PTPN7: variants seen among roughly 807,000 people sequenced by gnomAD.
PTPN7 encodes the protein tyrosine-protein phosphatase non-receptor type 7.
PTPN7 carries 33 observed loss-of-function variants against 50.3 expected under a neutral mutation model. The ratio of observed to expected loss-of-function variants is 0.66; its 90% CI spans 0.50 to 0.88. The LOEUF (loss-of-function observed/expected upper bound fraction) is 0.88. Ranked by LOEUF, PTPN7 falls within the 40% of genes least tolerant of loss-of-function variation. The pLI, the probability that PTPN7 is intolerant of heterozygous loss-of-function variation, is 0.00. For synonymous variants in PTPN7, 185 were observed against 186.6 expected (o/e 0.99, Z 0.07); for missense variants, 412 against 475.4 (o/e 0.87, Z 1.24).
At chr1:202,154,678 G>A (rs1027470107) in intron 5 of PTPN7, among the ~76,000 whole-genome samples, 2 of 152,226 alleles carry the variant, frequency 1.3e-5, no homozygotes, top group African/African-American at 4.8e-5. Context: ...GATAGCAAGT[G>A]CTCTATAAAT....
At chr1:202,151,744 C>T (rs1232990743) in intron 8 of PTPN7, among the ~76,000 whole-genome samples, 3 of 151,030 alleles carry the variant, frequency 2.0e-5, no homozygotes, top group East Asian at 2.0e-4. Context: ...CTTGAACTCC[C>T]GACCTCAGGT....
chr1:202,158,536 T>TTG, intron 2 of PTPN7: 4 of 444,230 alleles, frequency 9.0e-6, no homozygotes, highest in African/African-American at 8.2e-5. Context: ...AATTTAAGTT[T>TTG]TTTTTTTTTT....
Position 202,160,450 on chromosome 1 carries a change from C to T in PTPN7, c.-53+95G>A, listed in dbSNP as rs2147857447. The T allele has an allele frequency of 2.3e-6, 3 of 1,296,838 alleles. No homozygotes were observed. In the South Asian group the frequency reaches 4.3e-5, roughly 18 times the overall value. 80.3% of individuals were successfully genotyped at this position (1,296,838 alleles called of 1,614,324 possible). A position where few individuals can be genotyped will look rare whatever the true frequency, so the allele number is the denominator to read the frequency against. ...CCAGGCACTGTGGCGCCCCACTCGC[C>T]CTCCCGCACTCCCTCCTAGAGATGC... On this transcript the variant is annotated intron_variant, in intron 1 of 9. Coordinates refer to ENST00000691036, the MANE Select transcript of PTPN7 (RefSeq NM_002832.4). This position sits in a 1 kb window ranked among gnomAD's most constrained non-coding sequence, Gnocchi z 4.8.
intron 8 of PTPN7, among the ~76,000 whole-genome samples, chr1:202,151,155 T>G (rs960716838): frequency 2.0e-5 from 3 of 152,194 alleles, no homozygotes; most frequent in African/African-American, 7.2e-5. Flanking sequence ...AAGTGTTCTT[T>G]TAAAATGGCA....
chr1:202,157,948 G>C (rs1656870877), intron 3 of PTPN7, 125 bp from the exon 4 acceptor site: 1 of 1,246,216 alleles, frequency 8.0e-7, no homozygotes, highest in Admixed American at 2.2e-5. Context: ...CCTAGATGGG[G>C]TGGGGGCAGA....
chr1:202,160,610 A>C, upstream of PTPN7: 1 of 1,550,382 alleles, frequency 6.5e-7, no homozygotes. This position sits in a 1 kb window ranked among gnomAD's most constrained non-coding sequence, Gnocchi z 4.8. Flanking sequence ...TCTGTCTTTG[A>C]GGGCTGAGAA....
intron 4 of PTPN7, 103 bp downstream of exon 4, chr1:202,157,636 G>T: frequency 9.2e-7 from 1 of 1,086,134 alleles, no homozygotes; most frequent in Non-Finnish European, 1.4e-6. Context: ...GATGTGCCAA[G>T]CAAGGTTGAT....
chr1:202,161,260 T>C, upstream of PTPN7: 1 of 1,143,692 alleles, frequency 8.7e-7, no homozygotes. Context: ...GGCCTGAGTG[T>C]AGGCCAGCCC....
At chr1:202,156,688 G>C (rs1357738109) in intron 4 of PTPN7, among the ~76,000 whole-genome samples, 2 of 152,186 alleles carry the variant, frequency 1.3e-5, no homozygotes, top group Non-Finnish European at 2.9e-5. Flanking sequence ...TCCTCCCCCT[G>C]GCCTGGAATA....
intron 6 of PTPN7, 81 bp downstream of exon 6, chr1:202,154,105 G>A: frequency 6.3e-7 from 1 of 1,584,720 alleles, no homozygotes; most frequent in African/African-American, 1.3e-5. Context: ...CTCTGGTTCT[G>A]AGCTGCCCTG....
At position 202,157,768 on chromosome 1, in the gene PTPN7, G is replaced by A. The variant is rs1433137662; in HGVS notation, c.362C>T (p.Ser121Phe). 2 of 1,614,136 alleles carry A rather than the reference G, an allele frequency of 1.2e-6. No individual in the cohort carries two copies. Among genetic ancestry groups the A allele is most frequent in the Non-Finnish European group, 1.7e-6 (2 of 1,179,986 alleles). The change falls in exon 4 of 10, where the codon TCC (serine) becomes TTC (phenylalanine). Residue 121 changes from serine to phenylalanine, a missense_variant. Transcript: ENST00000691036. ...PEDLDIPGHA[S>F]KDRYKTILPN... ...CAAGATGGTCTTGTATCGGTCCTTG[G>A]AGGCGTGGCCAGGGATGTCCAGGTC...
At chr1:202,154,058 C>T in intron 6 of PTPN7, 128 bp downstream of exon 6, 1 of 1,382,758 alleles carries the variant, frequency 7.2e-7, no homozygotes, top group Non-Finnish European at 1.0e-6. Context: ...AGGGAACTTT[C>T]TGAGAGGTAT....
chr1:202,154,347 A>C, intron 5 of PTPN7, 24 bp from the exon 6 acceptor site: 1 of 1,599,088 alleles, frequency 6.3e-7, no homozygotes, highest in Non-Finnish European at 8.5e-7. Flanking sequence ...GCACAGGGGA[A>C]GGGGTGGGGA....
At chr1:202,158,415 T>A in intron 2 of PTPN7, 114 bp from the exon 3 acceptor site, 1 of 1,123,246 alleles carries the variant, frequency 8.9e-7, no homozygotes, top group Non-Finnish European at 1.2e-6. Flanking sequence ...GTCTGGAGTG[T>A]GATGGCACTA....
chr1:202,158,429 T>C, intron 2 of PTPN7, 128 bp from the exon 3 acceptor site: 1 of 973,472 alleles, frequency 1.0e-6, no homozygotes, highest in Non-Finnish European at 1.5e-6. Flanking sequence ...GGCACTATTA[T>C]GGCTCACAGC....
chr1:202,148,717 C>G lies in PTPN7; in HGVS notation c.990-18G>C, dbSNP rs374801287. On this transcript the variant is annotated intron_variant, in intron 9 of 9. Transcript: ENST00000691036. ...TCCCCCCTCTGCAAGGAGAAACACA[C>G]AGACCATGAGTGAAGGAGGGTCAGG... is the stretch of plus-strand genomic sequence containing the variant. 4.3e-6 allele frequency: 7 copies of G among 1,610,836 alleles called. No individual in the cohort carries two copies. In the East Asian group the frequency reaches 1.3e-4, roughly 31 times the overall value.
upstream of PTPN7, chr1:202,160,612 G>T (rs1312823280): frequency 1.3e-6 from 2 of 1,550,406 alleles, no homozygotes; most frequent in African/African-American, 1.4e-5. The surrounding 1 kb of genome is among the most constrained non-coding windows in gnomAD (Gnocchi z 4.8). Context: ...TGTCTTTGAG[G>T]GCTGAGAAGG....
chr1:202,148,568 G>C lies in PTPN7; in HGVS notation c.*38C>G. ...CCCAGACCCACCTTCCCAGGCTTGAGGGAGGTAGGCACCTGGGCCACCGGA... is the reference window on the plus strand; with the variant it reads ...CCCAGACCCACCTTCCCAGGCTTGACGGAGGTAGGCACCTGGGCCACCGGA... On this transcript the variant is annotated 3_prime_UTR_variant, in exon 10 of 10. Coordinates refer to ENST00000691036, the MANE Select transcript of PTPN7 (RefSeq NM_002832.4). 6.3e-7 allele frequency: 1 copy of C among 1,579,928 alleles called. No individual in the cohort carries two copies. Among genetic ancestry groups the C allele is most frequent in the Non-Finnish European group, 8.7e-7 (1 of 1,150,636 alleles).
At position 202,155,277 on chromosome 1, in the gene PTPN7, T is replaced by G. The variant is rs567364481; in HGVS notation, c.468+256A>C. On this transcript the variant is annotated intron_variant, in intron 5 of 9. Transcript: ENST00000691036. ...TTCCTGCTAAGTTTAGAGGGTGGCA[T>G]GGGAGGACTGATAGTGGAGGTTAGG... Among the ~76,000 whole-genome samples the G allele has an allele frequency of 5.3e-5, 8 of 152,240 alleles. No individual in the cohort carries two copies. In the East Asian group the frequency reaches 1.4e-3, roughly 26 times the overall value.
Sources: gnomAD v4.1 joint callset for allele counts (sites outside exome capture counted in the v4.1 genomes callset) on GRCh38, gnomAD v4.1.1 for gene constraint, Gnocchi (gnomAD v3.1) non-coding constraint, MANE v1.5 for transcripts, NCBI Gene and HGNC (gene_info 2026-07-23, HGNC 2026-07-21) for gene names.